The following GRM8 variants were observed in gnomAD, a reference collection of about 807,000 sequenced individuals.
GRM8 encodes glutamate metabotropic receptor 8.
A neutral mutation model predicts 87.2 loss-of-function variants in GRM8; 47 were observed. That is an observed-to-expected ratio of 0.54 (90% CI 0.43 to 0.69). The LOEUF (loss-of-function observed/expected upper bound fraction) is 0.69, where lower values mean the gene tolerates loss of function less well. Among genes scored for constraint, GRM8 ranks in the 30% least tolerant of loss-of-function variants. The pLI is 0.00. For missense variants in GRM8, 1,019 were observed against 1,139.2 expected, an observed-to-expected ratio of 0.89 and a Z score of 1.52; for synonymous variants, 396 against 404.5, an observed-to-expected ratio of 0.98 and a Z score of 0.25.
At chr7:126,813,413 C>A (rs1332091467) in intron 6 of GRM8, among the ~76,000 whole-genome samples, 1 of 152,114 alleles carries the variant, frequency 6.6e-6, no homozygotes, top group African/African-American at 2.4e-5. Context: ...AATGGAAAAA[C>A]TCTGGTTGCA....
intron 3 of GRM8, among the ~76,000 whole-genome samples, chr7:126,988,617 TGA>T (rs1812345584): frequency 6.6e-6 from 1 of 152,328 alleles, no homozygotes; most frequent in Admixed American, 6.5e-5. Context: ...CATATTTTTT[TGA>T]GTTAGTAATT....
chr7:126,549,162 A>C (rs1234249730), intron 8 of GRM8, among the ~76,000 whole-genome samples: 2 of 152,208 alleles, frequency 1.3e-5, no homozygotes, highest in African/African-American at 2.4e-5. Context: ...GGAAGAAAAG[A>C]GAAGACAGAG....
chr7:127,015,825 T>G (rs906987256), intron 3 of GRM8, among the ~76,000 whole-genome samples: 8 of 152,182 alleles, frequency 5.3e-5, no homozygotes, highest in Admixed American at 5.2e-4. Context: ...AAAAAAGAAA[T>G]AAGCCCAACC....
chr7:126,865,129 A>G (rs1181843234), intron 6 of GRM8, among the ~76,000 whole-genome samples: 1 of 152,218 alleles, frequency 6.6e-6, no homozygotes, highest in Non-Finnish European at 1.5e-5. Flanking sequence ...ACCCAGCTTC[A>G]GCATCCAGTA....
At chr7:126,486,629 CGAG>C (rs1807404567) in intron 9 of GRM8, among the ~76,000 whole-genome samples, 1 of 152,002 alleles carries the variant, frequency 6.6e-6, no homozygotes, top group Non-Finnish European at 1.5e-5. Flanking sequence ...TACAAAATAT[CGAG>C]GATACCTCAG....
intron 9 of GRM8, among the ~76,000 whole-genome samples, chr7:126,529,210 G>A (rs961676591): frequency 6.6e-6 from 1 of 152,054 alleles, no homozygotes; most frequent in Non-Finnish European, 1.5e-5. Context: ...TTATAATGGA[G>A]ATTACAATAA....
chr7:126,887,163 A>C (rs1800575656), intron 6 of GRM8, among the ~76,000 whole-genome samples: 1 of 152,146 alleles, frequency 6.6e-6, no homozygotes, highest in Non-Finnish European at 1.5e-5. Flanking sequence ...TTAGAGAGAA[A>C]GAATCAACTA....
chr7:126,627,900 C>A (rs1182613171), intron 7 of GRM8, among the ~76,000 whole-genome samples: 3 of 152,096 alleles, frequency 2.0e-5, no homozygotes, highest in Non-Finnish European at 4.4e-5. Context: ...TGGATTCGAT[C>A]TGCTAATGTT....
At chr7:127,095,254 A>C (rs1356888522) in intron 3 of GRM8, among the ~76,000 whole-genome samples, 1 of 152,200 alleles carries the variant, frequency 6.6e-6, no homozygotes, top group Non-Finnish European at 1.5e-5. Context: ...AACCATACAC[A>C]GGGTCCATCA....
At chr7:126,927,736 T>A (rs1389743359) in intron 3 of GRM8, among the ~76,000 whole-genome samples, 1 of 152,144 alleles carries the variant, frequency 6.6e-6, no homozygotes, top group Non-Finnish European at 1.5e-5. Flanking sequence ...GGAGAGGATG[T>A]GGAGAAATAG....
At chr7:127,250,245 T>C (rs1217194712) in intron 1 of GRM8, among the ~76,000 whole-genome samples, 1 of 152,212 alleles carries the variant, frequency 6.6e-6, no homozygotes, top group East Asian at 1.9e-4. Context: ...AGAGCACATC[T>C]CTCCAGACCT....
chr7:126,776,481 T>G (rs1283773792), intron 6 of GRM8, among the ~76,000 whole-genome samples: 1 of 152,192 alleles, frequency 6.6e-6, no homozygotes, highest in Non-Finnish European at 1.5e-5. Context: ...TTAAAAGGAC[T>G]GATTTTTAAT....
intron 3 of GRM8, among the ~76,000 whole-genome samples, chr7:126,941,064 T>C (rs1236907079): frequency 6.6e-6 from 1 of 152,166 alleles, no homozygotes; most frequent in Non-Finnish European, 1.5e-5. Context: ...GTGATCAATG[T>C]TGAAATTCTA....
At chr7:126,909,835 T>TA (rs1352201137) in intron 3 of GRM8, among the ~76,000 whole-genome samples, 1 of 151,950 alleles carries the variant, frequency 6.6e-6, no homozygotes, top group Non-Finnish European at 1.5e-5. Context: ...GAAACAGGGG[T>TA]ACCAACGGCT....
In GRM8 at chr7:126,941,636, A is replaced by G. The variant is rs575653468; in HGVS notation, c.728-36953T>C. On this transcript the variant is annotated intron_variant, in intron 3 of 10. Coordinates refer to ENST00000339582, the MANE Select transcript of GRM8 (RefSeq NM_000845.3). ...CTCTGTCTCAAAAAAAAAAAAAAGA[A>G]AGAAAGAAAGTGTTTAATTAGCAGA... 1.4e-3 allele frequency among the ~76,000 whole-genome samples: 220 copies of G among 151,994 alleles called. 1 individual carries two copies. The highest frequency in any genetic ancestry group is 5.0e-3 in the African/African-American group (208 of 41,500).
chr7:126,647,214 G>A (rs1803212183), intron 7 of GRM8, among the ~76,000 whole-genome samples: 1 of 151,988 alleles, frequency 6.6e-6, no homozygotes, highest in African/African-American at 2.4e-5. Context: ...AACACAGCAA[G>A]ACCCCCCTAA....
At chr7:126,448,838 G>A (rs1419996186) in intron 9 of GRM8, among the ~76,000 whole-genome samples, 1 of 151,812 alleles carries the variant, frequency 6.6e-6, no homozygotes, top group Non-Finnish European at 1.5e-5. Context: ...TAAATGATAA[G>A]AACACATGGA....
chr7:126,888,242 T>G (rs900576838), intron 6 of GRM8, among the ~76,000 whole-genome samples: 1 of 152,074 alleles, frequency 6.6e-6, no homozygotes, highest in African/African-American at 2.4e-5. Context: ...TCCAAAGCTA[T>G]CAGCCTGCTT....
At chr7:127,113,208 T>G (rs1001581342) in intron 2 of GRM8, among the ~76,000 whole-genome samples, 6 of 152,192 alleles carry the variant, frequency 3.9e-5, no homozygotes, top group Non-Finnish European at 8.8e-5. Flanking sequence ...AGCTTGAAAC[T>G]TGCCTTGTCT....
Sources: allele counts gnomAD v4.1 joint callset (sites outside exome capture counted in the v4.1 genomes callset), GRCh38; gene constraint gnomAD v4.1.1; transcripts MANE v1.5; gene names NCBI Gene and HGNC (gene_info 2026-07-23, HGNC 2026-07-21).